Variants in TNKS observed in about 807,000 individuals in gnomAD.
TNKS encodes poly [ADP-ribose] polymerase tankyrase-1.
Under a neutral mutation model 135.8 loss-of-function variants are expected in TNKS, and 72 were observed. That is an observed-to-expected ratio of 0.53 (90% CI 0.44 to 0.64). TNKS has a LOEUF of 0.64. Among genes scored for constraint, TNKS ranks in the 30% least tolerant of loss-of-function variants. The pLI, the probability that TNKS is intolerant of heterozygous loss-of-function variation, is 0.00. For synonymous variants in TNKS, 849 were observed against 649.3 expected, an observed-to-expected ratio of 1.31 and a Z score of -4.68; for missense variants, 1,769 against 1,674.0, an observed-to-expected ratio of 1.06 and a Z score of -0.99.
At chr8:9,706,390 G>A in intron 7 of TNKS, 137 bp downstream of exon 7, 1 of 657,176 alleles carries the variant, frequency 1.5e-6, no homozygotes. Context: ...TTGAGACAGG[G>A]TCTTGCCCTG....
chr8:9,605,645 C>T (rs1489290596), intron 2 of TNKS, among the ~76,000 whole-genome samples: 2 of 152,054 alleles, frequency 1.3e-5, no homozygotes, highest in African/African-American at 4.8e-5. Flanking sequence ...AGAATCTCCT[C>T]ATTAACACTT....
intron 2 of TNKS, among the ~76,000 whole-genome samples, chr8:9,598,731 G>GTC (rs1237326156): frequency 7.8e-6 from 1 of 128,490 alleles, no homozygotes. Flanking sequence ...GTGTGTGTGT[G>GTC]TGTCTGTGTG....
chr8:9,724,397 G>C (rs924380231), intron 12 of TNKS, among the ~76,000 whole-genome samples: 9 of 152,036 alleles, frequency 5.9e-5, no homozygotes, highest in Non-Finnish European at 1.3e-4. Flanking sequence ...AGACCAGCCA[G>C]GGCAACATAG....
At chr8:9,617,359 A>G (rs1307541580) in intron 3 of TNKS, among the ~76,000 whole-genome samples, 1 of 152,240 alleles carries the variant, frequency 6.6e-6, no homozygotes, top group African/African-American at 2.4e-5. Flanking sequence ...CTTGGTCATA[A>G]TACTGATTTA....
intron 1 of TNKS, among the ~76,000 whole-genome samples, chr8:9,570,419 A>G (rs1333528791): frequency 6.6e-6 from 1 of 152,226 alleles, no homozygotes; most frequent in Non-Finnish European, 1.5e-5. Context: ...TACAGGGAAG[A>G]GATTCCAGTG....
chr8:9,580,122 A>G (rs1201615200), intron 1 of TNKS, 37 bp from the exon 2 acceptor site: 1 of 1,571,654 alleles, frequency 6.4e-7, no homozygotes, highest in African/African-American at 1.4e-5. Context: ...TTACAAAATC[A>G]AATATATATA....
intron 5 of TNKS, among the ~76,000 whole-genome samples, chr8:9,698,179 T>A (rs922809434): frequency 5.1e-4 from 78 of 152,166 alleles, no homozygotes; most frequent in African/African-American, 1.8e-3. Context: ...ATGTTCTCAC[T>A]TATAAGTGGG....
rs886635830 is a variant in TNKS at position 9,733,276 on chromosome 8, T to C, written c.2148-3T>C. On this transcript the variant is annotated splice_polypyrimidine_tract_variant and splice_region_variant and intron_variant, in intron 14 of 26. Coordinates refer to ENST00000310430, the MANE Select transcript of TNKS (RefSeq NM_003747.3). ...GACTTTAAAATAACTTTCTTTTGTT[T>C]AGTGGCTTGGTGCCCCTTCATAATG... 3.9e-6 allele frequency: 6 copies of C among 1,555,510 alleles called. No individual in the cohort carries two copies. Among genetic ancestry groups the C allele is most frequent in the Non-Finnish European group, 5.2e-6 (6 of 1,158,826 alleles).
chr8:9,715,445 A>C (rs1350297587), intron 11 of TNKS, among the ~76,000 whole-genome samples: 5 of 152,038 alleles, frequency 3.3e-5, no homozygotes, highest in Non-Finnish European at 5.9e-5. Context: ...GCTGTATGGA[A>C]AAGGCCACCT....
chr8:9,580,698 G>T (rs1798131974), intron 2 of TNKS, among the ~76,000 whole-genome samples: 2 of 152,158 alleles, frequency 1.3e-5, no homozygotes, highest in African/African-American at 4.8e-5. Context: ...CCATCAATGA[G>T]AGCCATTATA....
intron 26 of TNKS, among the ~76,000 whole-genome samples, chr8:9,770,777 A>G (rs1409438004): frequency 1.3e-5 from 2 of 152,242 alleles, no homozygotes; most frequent in Non-Finnish European, 2.9e-5. Flanking sequence ...AGTCATGGGC[A>G]GGGTAGGGAA....
chr8:9,642,313 C>T (rs915784781), intron 3 of TNKS, among the ~76,000 whole-genome samples: 1 of 146,308 alleles, frequency 6.8e-6, no homozygotes, highest in Non-Finnish European at 1.5e-5. Flanking sequence ...AGTATTTGAA[C>T]GGTGCTAGTT....
chr8:9,696,304 G>A (rs898393681), intron 5 of TNKS, among the ~76,000 whole-genome samples: 6 of 152,142 alleles, frequency 3.9e-5, no homozygotes, highest in African/African-American at 1.4e-4. Context: ...AATAAGGAGT[G>A]TGGTGAACTA....
chr8:9,623,180 T>G (rs1204580687), intron 3 of TNKS, among the ~76,000 whole-genome samples: 1 of 152,214 alleles, frequency 6.6e-6, no homozygotes, highest in Non-Finnish European at 1.5e-5. Context: ...ATAAACGATC[T>G]TCTTCAGTCT....
chr8:9,753,028 C>G (rs6989782), intron 20 of TNKS, among the ~76,000 whole-genome samples: 1 of 151,550 alleles, frequency 6.6e-6, no homozygotes, highest in South Asian at 2.1e-4. Context: ...TTGCTTCTTA[C>G]GAGCTATTCT....
At chr8:9,634,748 C>T (rs1157244606) in intron 3 of TNKS, among the ~76,000 whole-genome samples, 1 of 152,056 alleles carries the variant, frequency 6.6e-6, no homozygotes, top group South Asian at 2.1e-4. Context: ...CAGTGGAGCA[C>T]ACCTGCTTCC....
At chr8:9,603,158 T>G (rs1351133744) in intron 2 of TNKS, among the ~76,000 whole-genome samples, 1 of 152,106 alleles carries the variant, frequency 6.6e-6, no homozygotes. Flanking sequence ...TTTCAGGCCA[T>G]TCTCCTGCCT....
At chr8:9,570,606 A>T (rs960848452) in intron 1 of TNKS, among the ~76,000 whole-genome samples, 1 of 152,210 alleles carries the variant, frequency 6.6e-6, no homozygotes, top group Admixed American at 6.5e-5. Context: ...CCTTTAACCC[A>T]AAACAAAGGG....
intron 2 of TNKS, among the ~76,000 whole-genome samples, chr8:9,594,383 A>T (rs1158054004): frequency 6.6e-6 from 1 of 152,190 alleles, no homozygotes; most frequent in Non-Finnish European, 1.5e-5. Context: ...AATCAATTAC[A>T]GTTTTAAAAA....
Sources: gnomAD v4.1 joint callset for allele counts (sites outside exome capture counted in the v4.1 genomes callset) on GRCh38, gnomAD v4.1.1 for gene constraint, MANE v1.5 for transcripts, NCBI Gene and HGNC (gene_info 2026-07-23, HGNC 2026-07-21) for gene names.